The following SCYL1 variants were observed in gnomAD, a reference collection of about 807,000 sequenced individuals.
The protein encoded by SCYL1 is N-terminal kinase-like protein.
Under a neutral mutation model 94.8 loss-of-function variants are expected in SCYL1, and 85 were observed. The observed-to-expected ratio is 0.90, with a 90% confidence interval of 0.75 to 1.07. The LOEUF is 1.07. SCYL1 is among the 50% of genes least tolerant of loss of function. The pLI, the probability that SCYL1 is intolerant of heterozygous loss-of-function variation, is 0.00. For synonymous variants in SCYL1, 459 were observed against 435.5 expected, an observed-to-expected ratio of 1.05 and a Z score of -0.67; for missense variants, 968 against 1,083.3, an observed-to-expected ratio of 0.89 and a Z score of 1.49.
chr11:65,525,488 C>G (rs1346748808), intron 1 of SCYL1, 86 bp from the exon 2 acceptor site: 7 of 1,525,090 alleles, frequency 4.6e-6, no homozygotes, highest in African/African-American at 4.1e-5. Flanking sequence ...CTAAGGCTGA[C>G]CTGGGGAGAG....
At position 65,525,099 on chromosome 11, in the gene SCYL1, G is replaced by T; in HGVS notation, c.-55G>T. The T allele has an allele frequency of 8.3e-7, 1 of 1,208,824 alleles. No homozygotes were observed. The highest frequency in any genetic ancestry group is 1.1e-6 in the Non-Finnish European group (1 of 942,456). 74.9% of individuals were successfully genotyped at this position (1,208,824 alleles called of 1,614,324 possible). A position where few individuals can be genotyped will look rare whatever the true frequency, so the allele number is the denominator to read the frequency against. On this transcript the variant is annotated 5_prime_UTR_variant, in exon 1 of 18. Coordinates refer to ENST00000270176, the MANE Select transcript of SCYL1 (RefSeq NM_020680.4). ...CCCCTCTCCGCCCCGCCCCGGCTCG[G>T]GCGGCCGGAGGACCCGGAGCTAAGG...
rs765208897 is a variant in SCYL1 at position 65,532,680 on chromosome 11, C to T, written c.1117-12C>T. The T allele has an allele frequency of 6.2e-7, 1 of 1,608,392 alleles. No individual in the cohort carries two copies. Among genetic ancestry groups the T allele is most frequent in the Non-Finnish European group, 8.5e-7 (1 of 1,174,882 alleles). On this transcript the variant is annotated splice_polypyrimidine_tract_variant and intron_variant, in intron 8 of 17. Transcript: ENST00000270176. ...GGCTGACCATGTTGACGCATCCCAA[C>T]CTGGGCCACAGATGGAGCAGTTCAT...
Position 65,526,948 on chromosome 11 carries a change from CCCCTCCCCTA to C in SCYL1, c.694-12_694-3del. On this transcript the variant is annotated splice_polypyrimidine_tract_variant and splice_region_variant and intron_variant, in intron 5 of 17. Coordinates refer to ENST00000270176, the MANE Select transcript of SCYL1 (RefSeq NM_020680.4). This position sits in a 1 kb window ranked among gnomAD's most constrained non-coding sequence, Gnocchi z 4.1. ...CTGGCTACCCCTGCCCTGACACTGA[CCCCTCCCCTA>C]CAGATCCCCAAAACGCTGGTGCCCC... 6.2e-7 allele frequency: 1 copy of C among 1,610,366 alleles called. No homozygotes were observed. The highest frequency in any genetic ancestry group is 8.5e-7 in the Non-Finnish European group (1 of 1,177,366).
chr11:65,525,237 C>A lies in SCYL1; in HGVS notation c.84C>A (p.Pro28=). ...CCCCAGAGGGCGGCCTGCCCGGGCCCTGGGCCCTGCACCGCGGCCGCAAGA... is the reference window on the plus strand; with the variant it reads ...CCCCAGAGGGCGGCCTGCCCGGGCCATGGGCCCTGCACCGCGGCCGCAAGA... ...PEPPEGGLPG[P]WALHRGRKKA... is the part of the protein sequence containing the mutation. The change falls in exon 1 of 18, where the codon CCC becomes CCA. Residue 28 remains proline, a synonymous_variant. Transcript: ENST00000270176. The A allele has an allele frequency of 6.9e-7, 1 of 1,458,754 alleles. No homozygotes were observed. The allele number at this position is 1,458,754 out of a possible 1,614,324, so 90.4% of individuals were successfully genotyped here. A position where few individuals can be genotyped will look rare whatever the true frequency, so the allele number is the denominator to read the frequency against.
In SCYL1 at chr11:65,532,709, G is replaced by C; in HGVS notation, c.1134G>C (p.Gln378His). The change falls in exon 9 of 18, where the codon CAG (glutamine) becomes CAC (histidine). Residue 378 changes from glutamine (Q) to histidine (H), a missense_variant. Physicochemically the swap from Gln to His is conservative, Grantham distance 24. Around this residue, in one of 2 missense-constraint regions of SCYL1, gnomAD observed 494 missense variants for 619.7 expected, o/e 0.80. Transcript: ENST00000270176. ...RLLQQMEQFI[Q>H]YLDEPTVNTQ... ...GGCCACAGATGGAGCAGTTCATCCA[G>C]TACCTTGACGAGCCAACAGTCAACA... The C allele has an allele frequency of 6.2e-7, 1 of 1,614,024 alleles. No individual in the cohort carries two copies.
chr11:65,536,317 C>A lies in SCYL1; in HGVS notation c.1634C>A (p.Thr545Asn), dbSNP rs1428276997. The A allele has an allele frequency of 6.2e-7, 1 of 1,614,146 alleles. No individual in the cohort carries two copies. Among genetic ancestry groups the A allele is most frequent in the Non-Finnish European group, 8.5e-7 (1 of 1,179,992 alleles). The part of the protein sequence containing the change: ...SKLESVSEDP[T>N]QLEEVEKDVH... ...TTGGAGTCTGTGTCGGAGGACCCGA[C>A]CCAGCTGGAGGAAGTGGGTGAGTGG... is the stretch of plus-strand genomic sequence containing the variant. The change falls in exon 12 of 18, where the codon ACC becomes AAC. Residue 545 changes from threonine (T) to asparagine (N), a missense_variant. By Grantham distance (65) the Thr-to-Asn change is moderately conservative. This residue lies in a region of SCYL1 where 474 missense variants were observed against 463.6 expected (regional missense o/e 1.02). Coordinates refer to ENST00000270176, the MANE Select transcript of SCYL1 (RefSeq NM_020680.4).
chr11:65,531,138 G>T (rs2135057464), intron 7 of SCYL1, among the ~76,000 whole-genome samples: 1 of 152,106 alleles, frequency 6.6e-6, no homozygotes, highest in South Asian at 2.1e-4. Flanking sequence ...CCTGACTTCT[G>T]GGGGCTGGAT....
chr11:65,529,951 T>C (rs1485328743), intron 6 of SCYL1, among the ~76,000 whole-genome samples: 2 of 152,190 alleles, frequency 1.3e-5, no homozygotes, highest in Non-Finnish European at 2.9e-5. Flanking sequence ...TGAAGAGGAC[T>C]GAGATAATCT....
chr11:65,536,604 C>A lies in SCYL1; in HGVS notation c.1670C>A (p.Ala557Asp). 1.2e-6 allele frequency: 2 copies of A among 1,614,120 alleles called. No homozygotes were observed. The highest frequency in any genetic ancestry group is 1.7e-5 in the Admixed American group (1 of 60,028). The change falls in exon 13 of 18, where the codon GCC becomes GAC. Residue 557 changes from alanine to aspartate, a missense_variant. Physicochemically the swap from Ala to Asp is moderately radical, Grantham distance 126. This residue lies in a region of SCYL1 where 474 missense variants were observed against 463.6 expected (regional missense o/e 1.02). Transcript: ENST00000270176. ...TGCCCAGAGAAGGATGTCCATGCAG[C>A]CTCCAGCCCTGGCATGGGAGGAGCC... ...LEEVEKDVHA[A>D]SSPGMGGAAA... is the part of the protein sequence containing the mutation.
rs577697819 is a variant in SCYL1 at position 65,537,751 on chromosome 11, C to T, written c.1960-58C>T. On this transcript the variant is annotated intron_variant, in intron 14 of 17. Coordinates refer to ENST00000270176, the MANE Select transcript of SCYL1 (RefSeq NM_020680.4). ...GCCCGTGGCTGGGATGATGCTGGGG[C>T]GGGCTCACTTGCCCTTTAGCATGGG... is the stretch of plus-strand genomic sequence containing the variant. The T allele has an allele frequency of 1.4e-5, 20 of 1,413,142 alleles. No individual in the cohort carries two copies. In the African/African-American group the frequency reaches 1.4e-4, roughly 10 times the overall value. 87.5% of individuals were successfully genotyped at this position (1,413,142 alleles called of 1,614,324 possible).
At position 65,526,086 on chromosome 11, in the gene SCYL1, T is replaced by C. The variant is rs745663242; in HGVS notation, c.376-38T>C. ...GGTGATGAGAGCAGGGATGGGGGGT[T>C]GCAGGTGCTGGGGCGTGATGGCTCC... On this transcript the variant is annotated intron_variant, in intron 3 of 17. Coordinates refer to ENST00000270176, the MANE Select transcript of SCYL1 (RefSeq NM_020680.4). The surrounding 1 kb of genome is among the most constrained non-coding windows in gnomAD (Gnocchi z 4.1). 12 of 1,607,626 alleles carry C rather than the reference T, an allele frequency of 7.5e-6. 1 individual carries two copies. The highest frequency in any genetic ancestry group is 1.0e-5 in the Non-Finnish European group (12 of 1,175,508).
At chr11:65,538,358 G>A (rs753340940) in intron 17 of SCYL1, 34 bp downstream of exon 17, 5 of 1,540,934 alleles carry the variant, frequency 3.2e-6, no homozygotes, top group Non-Finnish European at 4.4e-6. Context: ...TGAAGACTAG[G>A]GCTCCCCGAC....
At chr11:65,525,297 G>C in intron 1 of SCYL1, 33 bp downstream of exon 1, 2 of 1,358,080 alleles carry the variant, frequency 1.5e-6, no homozygotes, top group Non-Finnish European at 1.9e-6. Context: ...GGCCGCGGTC[G>C]ACCTGGGCCT....
chr11:65,526,226 C>T lies in SCYL1; in HGVS notation c.478C>T (p.Leu160=). 6.2e-7 allele frequency: 1 copy of T among 1,613,378 alleles called. No homozygotes were observed. ...AGCTGGCGAGTGGAAGCTTGGGGGC[C>T]TGGACTACATGTATTCGGCCCAGGG... ...DRAGEWKLGG[L]DYMYSAQGNG... is the part of the protein sequence containing the mutation. The change falls in exon 4 of 18, where the codon CTG becomes TTG. Residue 160 remains leucine (L), a synonymous_variant. Coordinates refer to ENST00000270176, the MANE Select transcript of SCYL1 (RefSeq NM_020680.4). This position sits in a 1 kb window ranked among gnomAD's most constrained non-coding sequence, Gnocchi z 4.1.
chr11:65,527,943 G>T (rs1435146977), intron 6 of SCYL1, among the ~76,000 whole-genome samples: 1 of 152,120 alleles, frequency 6.6e-6, no homozygotes, highest in Non-Finnish European at 1.5e-5. Flanking sequence ...GGCCAGCTCT[G>T]GTTACTCCAG....
chr11:65,527,048 C>T lies in SCYL1; in HGVS notation c.780C>T (p.Asn260=), dbSNP rs758957523. The change falls in exon 6 of 18, where the codon AAC becomes AAT. Residue 260 remains asparagine, a synonymous_variant. Coordinates refer to ENST00000270176, the MANE Select transcript of SCYL1 (RefSeq NM_020680.4). The part of the protein sequence containing the change: ...VRPNPARFLQ[N]CRAPGGFMSN... ...CCAACCCAGCCCGCTTCCTGCAGAA[C>T]TGCCGGGCACCTGGTGGCTTCATGA... 4 of 1,613,634 alleles carry T rather than the reference C, an allele frequency of 2.5e-6. No individual in the cohort carries two copies. Among genetic ancestry groups the T allele is most frequent in the East Asian group, 2.2e-5 (1 of 44,890 alleles).
chr11:65,525,768 A>G, intron 2 of SCYL1, 54 bp downstream of exon 2: 1 of 1,601,576 alleles, frequency 6.2e-7, no homozygotes, highest in Non-Finnish European at 8.5e-7. Flanking sequence ...CTGGTTACCC[A>G]CTCCTGTCTC....
intron 10 of SCYL1, 127 bp downstream of exon 10, chr11:65,535,509 C>T (rs1437261689): frequency 2.4e-6 from 3 of 1,239,726 alleles, no homozygotes; most frequent in East Asian, 2.5e-5. Flanking sequence ...CGCTGTTGGC[C>T]CCATATCTGG....
chr11:65,537,166 G>A (rs1252218243), intron 14 of SCYL1, 38 bp downstream of exon 14: 1 of 1,611,560 alleles, frequency 6.2e-7, no homozygotes, highest in Non-Finnish European at 8.5e-7. Context: ...GGGGACCCCA[G>A]CTCAAATCCA....
Sources: gnomAD v4.1 joint callset for allele counts (sites outside exome capture counted in the v4.1 genomes callset) on GRCh38, gnomAD v4.1.1 for gene constraint, gnomAD v4.1.1 regional missense constraint, Gnocchi (gnomAD v3.1) non-coding constraint, MANE v1.5 for transcripts, NCBI Gene and HGNC (gene_info 2026-07-23, HGNC 2026-07-21) for gene names.